TBC1D5: variants seen among roughly 807,000 people sequenced by gnomAD.
TBC1D5 encodes the protein TBC1 domain family, member 5.
Under a neutral mutation model 100.3 loss-of-function variants are expected in TBC1D5, and 75 were observed. The ratio of observed to expected loss-of-function variants is 0.75; its 90% CI spans 0.62 to 0.91. The LOEUF is 0.91. Among genes scored for constraint, TBC1D5 ranks in the 40% least tolerant of loss-of-function variants. TBC1D5 has a pLI of 0.00. For missense variants in TBC1D5, 910 were observed against 942.4 expected, an observed-to-expected ratio of 0.97 and a Z score of 0.45; for synonymous variants, 323 against 325.6, an observed-to-expected ratio of 0.99 and a Z score of 0.09.
chr3:17,279,050 TA>T (rs2080312465), intron 15 of TBC1D5, among the ~76,000 whole-genome samples: 1 of 152,264 alleles, frequency 6.6e-6, no homozygotes. Context: ...CTTTCATTAT[TA>T]AAATGTTACC....
At chr3:17,739,221 GCAC>G (rs1235226114) in intron 1 of TBC1D5, 2 of 152,204 alleles carry the variant, frequency 1.3e-5, no homozygotes, top group East Asian at 3.8e-4. Context: ...AGGTGGACTA[GCAC>G]CACTTCTCAG....
intron 16 of TBC1D5, among the ~76,000 whole-genome samples, chr3:17,244,525 TTC>T (rs2076563444): frequency 6.6e-6 from 1 of 152,162 alleles, no homozygotes. Flanking sequence ...TTCTTTTCCC[TTC>T]TCTTTCTTTC....
intron 1 of TBC1D5, among the ~76,000 whole-genome samples, chr3:17,697,922 A>T (rs1248113735): frequency 6.6e-6 from 1 of 151,216 alleles, no homozygotes; most frequent in East Asian, 1.9e-4. Context: ...AAACCAATGG[A>T]AAAGAACAGA....
chr3:17,572,316 AG>A (rs2096632146), intron 2 of TBC1D5, among the ~76,000 whole-genome samples: 1 of 151,698 alleles, frequency 6.6e-6, no homozygotes, highest in African/African-American at 2.4e-5. Flanking sequence ...AAAAAAAAAA[AG>A]AGCCCTCCTC....
At chr3:17,559,750 C>T (rs1009952143) in intron 2 of TBC1D5, among the ~76,000 whole-genome samples, 2 of 151,890 alleles carry the variant, frequency 1.3e-5, no homozygotes, top group Non-Finnish European at 1.5e-5. Flanking sequence ...CGACCATGCC[C>T]GGCTAATTTT....
rs144011797 is a variant in TBC1D5, at chr3:17,248,272, G to T, written c.1332-9853C>A. ...CTCCCAAAGTGCTGGCATTACAGGC[G>T]TGAGCCACTGCGCCCGGCCTGATGT... On this transcript the variant is annotated intron_variant, in intron 16 of 21. Transcript: ENST00000253692. 4.9e-3 allele frequency among the ~76,000 whole-genome samples: 746 copies of T among 152,308 alleles called. 3 individuals are homozygous for T. Among genetic ancestry groups the T allele is most frequent in the South Asian group, 0.022 (104 of 4,820 alleles).
rs575528922 is a variant in TBC1D5, at chr3:17,473,418, T to C, written c.97+35056A>G. On this transcript the variant is annotated intron_variant, in intron 3 of 21. Transcript: ENST00000253692. ...ACATTAATGTAAACATGAATTCATATACAATGAACTTGCAATACTAAAGAT... is the reference window on the plus strand; with the variant it reads ...ACATTAATGTAAACATGAATTCATACACAATGAACTTGCAATACTAAAGAT... Among the ~76,000 whole-genome samples, 9 of 152,346 alleles carry C rather than the reference T, an allele frequency of 5.9e-5. No individual in the cohort carries two copies. In the South Asian group the frequency reaches 1.7e-3, roughly 28 times the overall value.
intron 18 of TBC1D5, among the ~76,000 whole-genome samples, chr3:17,204,699 GATTCTGCTTTCACAGCC>G (rs1210634790): frequency 1.6e-4 from 25 of 152,116 alleles, no homozygotes; most frequent in Admixed American, 7.2e-4. Context: ...TATTTCCTGT[GATTCTGCTTTCACAGCC>G]TTCTCAGATT....
At chr3:17,614,627 G>A (rs2061979714) in intron 2 of TBC1D5, among the ~76,000 whole-genome samples, 1 of 152,092 alleles carries the variant, frequency 6.6e-6, no homozygotes, top group East Asian at 1.9e-4. Context: ...GGATTCCTAG[G>A]TATTTTATTC....
chr3:17,289,151 A>G (rs929625419), intron 15 of TBC1D5, among the ~76,000 whole-genome samples: 1 of 152,180 alleles, frequency 6.6e-6, no homozygotes. Context: ...CAAGCCCCGC[A>G]TGGAGTCTGC....
intron 17 of TBC1D5, among the ~76,000 whole-genome samples, chr3:17,229,302 A>G (rs927630672): frequency 6.6e-6 from 1 of 152,160 alleles, no homozygotes; most frequent in African/African-American, 2.4e-5. Context: ...TGAGTGACAG[A>G]TAGCAAAAAG....
At chr3:17,282,356 T>C (rs2080701891) in intron 15 of TBC1D5, among the ~76,000 whole-genome samples, 1 of 152,236 alleles carries the variant, frequency 6.6e-6, no homozygotes, top group Admixed American at 6.5e-5. Context: ...TTTAAAGTGT[T>C]AAGTAGTCTA....
intron 8 of TBC1D5, among the ~76,000 whole-genome samples, chr3:17,394,068 C>G (rs1461125558): frequency 6.6e-6 from 1 of 152,094 alleles, no homozygotes; most frequent in Non-Finnish European, 1.5e-5. Context: ...GATCAGGGAT[C>G]TGCTAAACAT....
chr3:17,294,198 T>C (rs2082032251), intron 14 of TBC1D5, among the ~76,000 whole-genome samples: 1 of 150,312 alleles, frequency 6.7e-6, no homozygotes, highest in South Asian at 2.1e-4. Flanking sequence ...GACTAATCAT[T>C]TATTTATTTA....
intron 1 of TBC1D5, among the ~76,000 whole-genome samples, chr3:17,695,557 A>G (rs1430440502): frequency 1.3e-5 from 2 of 152,218 alleles, no homozygotes; most frequent in South Asian, 4.1e-4. Context: ...ACTATCCTAA[A>G]TATATATACA....
chr3:17,274,185 C>A (rs927463683), intron 15 of TBC1D5, among the ~76,000 whole-genome samples: 4 of 152,110 alleles, frequency 2.6e-5, no homozygotes, highest in Non-Finnish European at 5.9e-5. Flanking sequence ...CACATTAAAT[C>A]CTCTGATGAA....
In TBC1D5 at chr3:17,167,372, G is replaced by T. The variant is rs1416918249; in HGVS notation, c.1932+377C>A. On this transcript the variant is annotated intron_variant, in intron 20 of 21. Transcript: ENST00000253692. ...GATCTTCAAGGCTTGGGTCAATGTG[G>T]TCCTTGAGGGTCTGAGGCCTGCTGT... Among the ~76,000 whole-genome samples, 11 of 152,168 alleles carry T rather than the reference G, an allele frequency of 7.2e-5. No individual in the cohort carries two copies. The East Asian group carries it at 2.1e-3, about 29-fold the overall frequency.
intron 1 of TBC1D5, among the ~76,000 whole-genome samples, chr3:17,657,619 G>A (rs757698934): frequency 2.8e-4 from 42 of 152,148 alleles, no homozygotes; most frequent in Non-Finnish European, 4.7e-4. Flanking sequence ...ACAGGCGTGA[G>A]CCACCATGTC....
intron 2 of TBC1D5, among the ~76,000 whole-genome samples, chr3:17,618,551 C>A (rs1191783406): frequency 3.3e-5 from 5 of 152,236 alleles, no homozygotes; most frequent in African/African-American, 1.2e-4. Flanking sequence ...CTGCACTGGG[C>A]TCTGCCCAGT....
Sources: allele counts gnomAD v4.1 joint callset (sites outside exome capture counted in the v4.1 genomes callset), GRCh38; gene constraint gnomAD v4.1.1; transcripts MANE v1.5; gene names NCBI Gene and HGNC (gene_info 2026-07-23, HGNC 2026-07-21).